The following TRIM44 variants were observed in gnomAD, a reference collection of about 807,000 sequenced individuals.
TRIM44 encodes the protein tripartite motif-containing protein 44.
In TRIM44, 13 loss-of-function variants were observed where a neutral mutation model predicts 37.4. The ratio of observed to expected loss-of-function variants is 0.35; its 90% confidence interval spans 0.23 to 0.55. TRIM44 has a LOEUF of 0.55. Among genes scored for constraint, TRIM44 ranks in the 20% least tolerant of loss-of-function variants. The pLI is 0.89. For synonymous variants in TRIM44, 175 were observed against 157.2 expected, an observed-to-expected ratio of 1.11 and a Z score of -0.85; for missense variants, 426 against 437.2, an observed-to-expected ratio of 0.97 and a Z score of 0.23.
At chr11:35,790,305 C>CT (rs1243382986) in intron 4 of TRIM44, among the ~76,000 whole-genome samples, 2 of 152,144 alleles carry the variant, frequency 1.3e-5, no homozygotes, top group African/African-American at 4.8e-5. Flanking sequence ...ACACCTTAGA[C>CT]TACAGGAACA....
intron 4 of TRIM44, among the ~76,000 whole-genome samples, chr11:35,801,692 G>A (rs1365341492): frequency 6.6e-6 from 1 of 152,106 alleles, no homozygotes; most frequent in Non-Finnish European, 1.5e-5. Flanking sequence ...CAGTTTCACA[G>A]GCACCACATC....
chr11:35,704,466 C>T (rs1022011819), intron 2 of TRIM44, among the ~76,000 whole-genome samples: 2 of 152,118 alleles, frequency 1.3e-5, no homozygotes, highest in Admixed American at 6.5e-5. Flanking sequence ...TTGTCAGATT[C>T]ACCAAAGTTG....
intron 2 of TRIM44, among the ~76,000 whole-genome samples, chr11:35,697,193 T>A (rs1368558939): frequency 2.7e-5 from 4 of 147,820 alleles, no homozygotes; most frequent in African/African-American, 1.0e-4. Context: ...TAGGTATATC[T>A]CCTAATGCTA....
chr11:35,735,125 T>G (rs1852312264), intron 3 of TRIM44, among the ~76,000 whole-genome samples: 1 of 152,236 alleles, frequency 6.6e-6, no homozygotes, highest in South Asian at 2.1e-4. Flanking sequence ...TGCTAAGAAC[T>G]AAATACTGCC....
chr11:35,810,175 A>G lies in TRIM44; in HGVS notation c.*3790A>G, dbSNP rs1853511371. 6.6e-6 allele frequency: 1 copy of G among 151,926 alleles called. No homozygotes were observed. The allele number at this position is 151,926 out of a possible 1,614,324, so 9.4% of individuals were successfully genotyped here. On this transcript the variant is annotated 3_prime_UTR_variant, in exon 5 of 5. Coordinates refer to ENST00000299413, the MANE Select transcript of TRIM44 (RefSeq NM_017583.6). ...ATTTTGGTGACCTGAGAGTCTAACT[A>G]CTCCAGTTAGACCTAAGGGCACAAA...
rs992314092 is a variant in TRIM44 at position 35,663,371 on chromosome 11, A to G, written c.260A>G (p.Gln87Arg). The change falls in exon 1 of 5, where the codon CAG becomes CGG. Residue 87 changes from glutamine to arginine, a missense_variant. Transcript: ENST00000299413. ...GKEEAEVKVE[Q>R]EREIESEAGE... ...GAAGAAGCGGAGGTCAAGGTGGAGC[A>G]GGAGAGGGAGATAGAAAGCGAGGCA... 1.8e-5 allele frequency: 29 copies of G among 1,612,444 alleles called. No homozygotes were observed. The highest frequency in any genetic ancestry group is 2.4e-5 in the Non-Finnish European group (28 of 1,179,192).
In TRIM44 at chr11:35,817,671, G is replaced by T. The variant is rs1853594968; in HGVS notation, c.*11286G>T. On this transcript the variant is annotated 3_prime_UTR_variant, in exon 5 of 5. Transcript: ENST00000299413. ...AAGCCATGTGATATGGTTTGCCTCT[G>T]TGTCCCCACCCAAATCTCATGTTGA... 1 of 152,194 alleles carries T rather than the reference G, an allele frequency of 6.6e-6. No individual in the cohort carries two copies. Among genetic ancestry groups the T allele is most frequent in the East Asian group, 1.9e-4 (1 of 5,198 alleles). 9.4% of individuals were successfully genotyped at this position (152,194 alleles called of 1,614,324 possible). A position where few individuals can be genotyped will look rare whatever the true frequency, so the allele number is the denominator to read the frequency against.
rs572768815 is a variant in TRIM44 at position 35,760,185 on chromosome 11, G to T, written c.1007+24740G>T. Among the ~76,000 whole-genome samples the T allele has an allele frequency of 3.3e-5, 5 of 152,268 alleles. No individual in the cohort carries two copies. The South Asian group carries it at 1.0e-3, about 32-fold the overall frequency. On this transcript the variant is annotated intron_variant, in intron 4 of 4. Coordinates refer to ENST00000299413, the MANE Select transcript of TRIM44 (RefSeq NM_017583.6). ...CGCTTTGTTTACCTACTCAAGCCTC[G>T]GTAATGGCAGGTGCCCCTCCCCCAG...
intron 1 of TRIM44, among the ~76,000 whole-genome samples, chr11:35,670,534 G>T (rs1474442407): frequency 6.6e-6 from 1 of 152,094 alleles, no homozygotes; most frequent in Non-Finnish European, 1.5e-5. Flanking sequence ...ATTCTTCTAC[G>T]CTTTGTTTTT....
intron 3 of TRIM44, among the ~76,000 whole-genome samples, chr11:35,731,563 A>G (rs933907349): frequency 6.6e-6 from 1 of 152,072 alleles, no homozygotes; most frequent in Non-Finnish European, 1.5e-5. Context: ...TATTAGGATT[A>G]TGTTGGCTTC....
chr11:35,787,940 C>T (rs1853150864), intron 4 of TRIM44, among the ~76,000 whole-genome samples: 1 of 152,212 alleles, frequency 6.6e-6, no homozygotes, highest in African/African-American at 2.4e-5. Context: ...GGACATGGCT[C>T]ACTTTCCAGG....
chr11:35,702,237 T>G (rs1284828230), intron 2 of TRIM44, among the ~76,000 whole-genome samples: 2 of 152,312 alleles, frequency 1.3e-5, no homozygotes, highest in South Asian at 4.1e-4. Flanking sequence ...CAAGAAGGAC[T>G]TTACTTCCCA....
At chr11:35,748,018 C>A (rs1405640811) in intron 4 of TRIM44, among the ~76,000 whole-genome samples, 1 of 152,102 alleles carries the variant, frequency 6.6e-6, no homozygotes, top group Non-Finnish European at 1.5e-5. Flanking sequence ...GCACTCGTTC[C>A]CTCAGGTTAG....
intron 4 of TRIM44, among the ~76,000 whole-genome samples, chr11:35,745,025 GA>G (rs1852468617): frequency 6.6e-6 from 1 of 152,174 alleles, no homozygotes; most frequent in South Asian, 2.1e-4. Context: ...TTGCTGCAAT[GA>G]ATATATGCAT....
At chr11:35,750,479 G>T (rs1303749037) in intron 4 of TRIM44, among the ~76,000 whole-genome samples, 1 of 152,110 alleles carries the variant, frequency 6.6e-6, no homozygotes, top group African/African-American at 2.4e-5. Context: ...GTTTCCAAAG[G>T]CCACCTTCTT....
chr11:35,675,112 C>T (rs1488841849), intron 1 of TRIM44, among the ~76,000 whole-genome samples: 5 of 152,168 alleles, frequency 3.3e-5, no homozygotes, highest in Admixed American at 6.5e-5. Context: ...AAGGCTAGAA[C>T]TATATGTTAT....
At position 35,806,559 on chromosome 11, in the gene TRIM44, C is replaced by T; in HGVS notation, c.*174C>T. The T allele has an allele frequency of 1.5e-6, 1 of 663,000 alleles. No homozygotes were observed. Among genetic ancestry groups the T allele is most frequent in the Non-Finnish European group, 2.6e-6 (1 of 378,122 alleles). 41.1% of individuals were successfully genotyped at this position (663,000 alleles called of 1,614,324 possible). A position where few individuals can be genotyped will look rare whatever the true frequency, so the allele number is the denominator to read the frequency against. ...TCTCCAAGGGATGACCAGTTTTATG[C>T]TTACTGTGTGCTTCTCATCCCCTGG... On this transcript the variant is annotated 3_prime_UTR_variant, in exon 5 of 5. Coordinates refer to ENST00000299413, the MANE Select transcript of TRIM44 (RefSeq NM_017583.6).
chr11:35,685,130 C>T, intron 1 of TRIM44, 129 bp from the exon 2 acceptor site: 2 of 691,918 alleles, frequency 2.9e-6, no homozygotes, highest in Non-Finnish European at 5.1e-6. Context: ...TGCACCTCTC[C>T]TTTGTTGTTT....
At chr11:35,802,201 C>T (rs1396162622) in intron 4 of TRIM44, among the ~76,000 whole-genome samples, 3 of 152,140 alleles carry the variant, frequency 2.0e-5, no homozygotes, top group Non-Finnish European at 4.4e-5. Flanking sequence ...GCACACACCT[C>T]ATGATAACCA....
Sources: allele counts gnomAD v4.1 joint callset (sites outside exome capture counted in the v4.1 genomes callset), GRCh38; gene constraint gnomAD v4.1.1; transcripts MANE v1.5; gene names NCBI Gene and HGNC (gene_info 2026-07-23, HGNC 2026-07-21).